The following OR3A3 variants were observed in gnomAD, a reference collection of about 807,000 sequenced individuals.
The protein encoded by OR3A3 is olfactory receptor 3A3.
For missense variants in OR3A3, 275 were observed against 391.4 expected (o/e 0.70, Z 2.51); for synonymous variants, 103 against 163.9 (o/e 0.63, Z 2.84).
At chr17:3,415,971 C>G (rs2072389253) in intron 2 of OR3A3, among the ~76,000 whole-genome samples, 1 of 151,714 alleles carries the variant, frequency 6.6e-6, no homozygotes, top group African/African-American at 2.4e-5. Flanking sequence ...ACCATCACGC[C>G]TGGCTAATTT....
chr17:3,421,356 A>C, exon 3 of OR3A3: 7 of 1,614,192 alleles, frequency 4.3e-6, no homozygotes, highest in Non-Finnish European at 5.9e-6. Context: ...TCTATGGGAC[A>C]GGTGTCTTCA....
At chr17:3,423,939 C>A (rs867749208) in exon 3 of OR3A3, 25 of 137,636 alleles carry the variant, frequency 1.8e-4, no homozygotes, top group African/African-American at 5.5e-4. Context: ...GAGCGAAATG[C>A]CATCTCAAAA....
At chr17:3,419,974 A>G (rs553017860) in intron 2 of OR3A3, among the ~76,000 whole-genome samples, 34 of 152,160 alleles carry the variant, frequency 2.2e-4, no homozygotes, top group South Asian at 6.2e-4. Flanking sequence ...TCGCTGTGTT[A>G]GCCAGGATGG....
rs564569456 is a variant in OR3A3, at chr17:3,419,729, C to CT, written c.-6-829dup. On this transcript the variant is annotated intron_variant, in intron 2 of 2. Coordinates refer to ENST00000641141, the Ensembl canonical transcript of OR3A3. ...TCAGAGAAAAATGGGAAAATTCTAT[C>CT]TTTTTTTTTTTTTTTTTTTTTTGAG... Among the ~76,000 whole-genome samples the CT allele has an allele frequency of 8.1e-3, 797 of 98,816 alleles. 7 individuals are homozygous for CT. Among genetic ancestry groups the CT allele is most frequent in the African/African-American group, 0.011 (327 of 30,250 alleles). The allele number at this position is 98,816 out of a possible 152,430, so 64.8% of individuals were successfully genotyped here. A position where few individuals can be genotyped will look rare whatever the true frequency, so the allele number is the denominator to read the frequency against.
intron 1 of OR3A3, 133 bp from the exon 2 acceptor site, chr17:3,411,845 C>T (rs2072364031): frequency 6.6e-6 from 1 of 152,308 alleles, no homozygotes; most frequent in Non-Finnish European, 1.5e-5. Flanking sequence ...GCCCACAAAG[C>T]CAGGGCTAGA....
chr17:3,412,018 T>C (rs1449541077), exon 2 of OR3A3: 2 of 151,866 alleles, frequency 1.3e-5, no homozygotes, highest in Non-Finnish European at 2.9e-5. Context: ...AATGCTGTAG[T>C]GAACACAGCC....
At chr17:3,418,304 C>A (rs1188523981) in intron 2 of OR3A3, among the ~76,000 whole-genome samples, 2 of 152,132 alleles carry the variant, frequency 1.3e-5, no homozygotes, top group African/African-American at 2.4e-5. Flanking sequence ...GTTTCTCAGC[C>A]AGTTTTTCAT....
chr17:3,416,286 T>G lies in OR3A3; in HGVS notation c.-7+4115T>G, dbSNP rs7212375. On this transcript the variant is annotated intron_variant, in intron 2 of 2. Coordinates refer to ENST00000641141, the Ensembl canonical transcript of OR3A3. ...ATATCATAAAACATATTAATACATT[T>G]TCTCATTTTGAACTAACCTGGCATT... Among the ~76,000 whole-genome samples the G allele has an allele frequency of 8.1e-3, 1,238 of 152,282 alleles. 16 individuals are homozygous for G. Among genetic ancestry groups the G allele is most frequent in the African/African-American group, 0.028 (1,148 of 41,538 alleles).
chr17:3,424,043 T>C (rs2072455151), exon 3 of OR3A3: 1 of 152,062 alleles, frequency 6.6e-6, no homozygotes, highest in Non-Finnish European at 1.5e-5. Context: ...AGAAACATAC[T>C]GTTCTGTGAT....
Position 3,412,092 on chromosome 17 carries a change from TC to T in OR3A3, c.-84del, listed in dbSNP as rs1285979284. On this transcript the variant is annotated 5_prime_UTR_variant, in exon 2 of 3. The change creates a premature stop within an existing upstream ORF in the 5' untranslated region. Transcript: ENST00000641141. ...TCAGTCATTAGCCCCTCACTCGCTCTCCGGGAGGATAACGGGGTGTGTGCAG... is the reference window on the plus strand; with the variant it reads ...TCAGTCATTAGCCCCTCACTCGCTCTCGGGAGGATAACGGGGTGTGTGCAG... The T allele has an allele frequency of 2.0e-5, 3 of 152,314 alleles. No homozygotes were observed. Among genetic ancestry groups the T allele is most frequent in the African/African-American group, 7.3e-5 (3 of 41,320 alleles). The allele number at this position is 152,314 out of a possible 1,614,324, so 9.4% of individuals were successfully genotyped here.
At chr17:3,416,337 GTTAA>G (rs1013954394) in intron 2 of OR3A3, among the ~76,000 whole-genome samples, 1 of 151,618 alleles carries the variant, frequency 6.6e-6, no homozygotes, top group African/African-American at 2.4e-5. Flanking sequence ...AATACTTATG[GTTAA>G]TTATTTTGGT....
At chr17:3,416,826 T>G (rs2072394855) in intron 2 of OR3A3, among the ~76,000 whole-genome samples, 1 of 152,144 alleles carries the variant, frequency 6.6e-6, no homozygotes, top group Admixed American at 6.5e-5. Context: ...TTTGTCTTTG[T>G]GTTGGGGACA....
chr17:3,423,170 A>G (rs752116013), exon 3 of OR3A3: 1 of 152,290 alleles, frequency 6.6e-6, no homozygotes. Flanking sequence ...CACCTGTACC[A>G]TAAGGGACTG....
At chr17:3,411,679 A>T (rs1234747359) in intron 1 of OR3A3, among the ~76,000 whole-genome samples, 195 bp downstream of exon 1, 1 of 152,206 alleles carries the variant, frequency 6.6e-6, no homozygotes, top group Non-Finnish European at 1.5e-5. Context: ...CGTCTCAAAG[A>T]AAAAAGAAAA....
chr17:3,423,059 T>C (rs1465540321), exon 3 of OR3A3: 3 of 152,212 alleles, frequency 2.0e-5, no homozygotes, highest in African/African-American at 4.8e-5. Flanking sequence ...GGCAAAGTTC[T>C]TGTGAATGAA....
chr17:3,419,851 A>T (rs549416204), intron 2 of OR3A3, among the ~76,000 whole-genome samples: 1 of 148,580 alleles, frequency 6.7e-6, no homozygotes, highest in Admixed American at 6.9e-5. Context: ...CTCCCGCCTC[A>T]GCCTCCCAGG....
At chr17:3,418,721 T>G (rs1424049673) in intron 2 of OR3A3, among the ~76,000 whole-genome samples, 5 of 152,088 alleles carry the variant, frequency 3.3e-5, no homozygotes, top group Non-Finnish European at 5.9e-5. Flanking sequence ...GCAATCATCA[T>G]GCTTCCCTTT....
chr17:3,416,560 T>C (rs1200996768), intron 2 of OR3A3, among the ~76,000 whole-genome samples: 1 of 152,128 alleles, frequency 6.6e-6, no homozygotes, highest in African/African-American at 2.4e-5. Context: ...TTAGTGGCAA[T>C]TGGAAGCTAG....
chr17:3,412,720 C>G (rs193052957), intron 2 of OR3A3, among the ~76,000 whole-genome samples: 1 of 152,020 alleles, frequency 6.6e-6, no homozygotes, highest in Admixed American at 6.6e-5. Flanking sequence ...CTACCCCTGA[C>G]CATGACTTAC....
Sources: gnomAD v4.1 joint callset for allele counts (sites outside exome capture counted in the v4.1 genomes callset) on GRCh38, gnomAD v4.1.1 for gene constraint, MANE v1.5 for transcripts, NCBI Gene and HGNC (gene_info 2026-07-23, HGNC 2026-07-21) for gene names.